ZNF277: variants seen among roughly 807,000 people sequenced by gnomAD.
The protein encoded by ZNF277 is zinc finger protein 277.
A neutral mutation model predicts 60.7 loss-of-function variants in ZNF277; 55 were observed. The observed-to-expected ratio is 0.91, with a 90% CI of 0.73 to 1.13. The LOEUF (loss-of-function observed/expected upper bound fraction) is 1.13, where lower values mean the gene tolerates loss of function less well. Among genes scored for constraint, ZNF277 ranks in the 50% most tolerant of loss-of-function variants. The pLI, the probability that ZNF277 is intolerant of heterozygous loss-of-function variation, is 0.00. For synonymous variants in ZNF277, 178 were observed against 179.3 expected (o/e 0.99, Z 0.06); for missense variants, 510 against 523.0 (o/e 0.98, Z 0.24).
At chr7:112,336,809 T>C (rs933506976) in intron 8 of ZNF277, among the ~76,000 whole-genome samples, 2 of 152,214 alleles carry the variant, frequency 1.3e-5, no homozygotes, top group Non-Finnish European at 2.9e-5. Flanking sequence ...TCTTCCAGAC[T>C]GAAATAAAAA....
chr7:112,292,797 C>T (rs1792238273), intron 2 of ZNF277, among the ~76,000 whole-genome samples: 2 of 152,108 alleles, frequency 1.3e-5, no homozygotes, highest in South Asian at 4.1e-4. Context: ...TCTCTTCTAC[C>T]ACTTTAGCCA....
rs774745772 is a variant in ZNF277 at position 112,318,168 on chromosome 7, T to C, written c.466-14T>C. The C allele has an allele frequency of 1.9e-6, 3 of 1,604,860 alleles. No individual in the cohort carries two copies. The East Asian group carries it at 6.7e-5, about 36-fold the overall frequency. On this transcript the variant is annotated splice_polypyrimidine_tract_variant and intron_variant, in intron 4 of 11. Coordinates refer to ENST00000361822, the MANE Select transcript of ZNF277 (RefSeq NM_021994.3). ...GCATTAAGATAATACCATAAATCTG[T>C]TTCTACTTTCCAGAGAGAAATTCTG...
At chr7:112,322,199 T>C (rs1007833870) in intron 5 of ZNF277, among the ~76,000 whole-genome samples, 1 of 152,164 alleles carries the variant, frequency 6.6e-6, no homozygotes, top group Admixed American at 6.5e-5. Flanking sequence ...TTAATGTGTT[T>C]CATCAAATTC....
At chr7:112,301,400 T>C (rs1792467882) in intron 4 of ZNF277, among the ~76,000 whole-genome samples, 2 of 152,198 alleles carry the variant, frequency 1.3e-5, no homozygotes, top group African/African-American at 4.8e-5. Flanking sequence ...TTTCCCTAAA[T>C]TGCCCAGCAT....
chr7:112,254,851 G>T (rs1436012707), intron 1 of ZNF277, among the ~76,000 whole-genome samples: 6 of 152,138 alleles, frequency 3.9e-5, no homozygotes, highest in African/African-American at 1.2e-4. Context: ...TGGGCTTGTA[G>T]TCCCAGCTAC....
chr7:112,253,561 A>G (rs1436408839), intron 1 of ZNF277, among the ~76,000 whole-genome samples: 1 of 151,874 alleles, frequency 6.6e-6, no homozygotes, highest in Admixed American at 6.6e-5. Context: ...CCTGAACTAT[A>G]TTTTTTTACC....
At chr7:112,226,773 T>C (rs1822186713) in intron 1 of ZNF277, among the ~76,000 whole-genome samples, 1 of 152,218 alleles carries the variant, frequency 6.6e-6, no homozygotes, top group Non-Finnish European at 1.5e-5. Context: ...AATGTCAGTT[T>C]CTGAATTACT....
At chr7:112,335,752 A>G (rs1056100486) in intron 7 of ZNF277, among the ~76,000 whole-genome samples, 1 of 152,184 alleles carries the variant, frequency 6.6e-6, no homozygotes, top group African/African-American at 2.4e-5. Flanking sequence ...GTAACAATGA[A>G]CAAAGGCCAT....
At chr7:112,291,432 T>C (rs1332105461) in intron 2 of ZNF277, among the ~76,000 whole-genome samples, 1 of 152,212 alleles carries the variant, frequency 6.6e-6, no homozygotes, top group Non-Finnish European at 1.5e-5. Context: ...TAATTACTTT[T>C]ATAGATTTTT....
intron 1 of ZNF277, 42 bp downstream of exon 1, chr7:112,206,849 TTCTC>T: frequency 6.3e-7 from 1 of 1,593,136 alleles, no homozygotes; most frequent in South Asian, 1.1e-5. Flanking sequence ...GTGTCTTCCT[TTCTC>T]TATGACCGGG....
intron 1 of ZNF277, among the ~76,000 whole-genome samples, chr7:112,233,620 C>G (rs1400301901): frequency 6.6e-6 from 1 of 152,102 alleles, no homozygotes; most frequent in Admixed American, 6.5e-5. Context: ...TGGCAGTGCT[C>G]TTTTTTCAAA....
intron 4 of ZNF277, among the ~76,000 whole-genome samples, chr7:112,297,074 C>T (rs1418999793): frequency 6.7e-6 from 1 of 150,370 alleles, no homozygotes; most frequent in Non-Finnish European, 1.5e-5. Context: ...ACTACAGGCA[C>T]CTGCCACCAC....
chr7:112,325,839 C>A (rs1285552691), intron 5 of ZNF277, among the ~76,000 whole-genome samples: 4 of 152,184 alleles, frequency 2.6e-5, no homozygotes, highest in African/African-American at 7.2e-5. Context: ...GTTCTAAGGA[C>A]TGTCAGTCTG....
rs550535575 is a variant in ZNF277, at chr7:112,282,711, A to G, written c.92-4162A>G. Among the ~76,000 whole-genome samples the G allele has an allele frequency of 7.2e-5, 11 of 152,330 alleles. No individual in the cohort carries two copies. The South Asian group carries it at 2.1e-3, about 29-fold the overall frequency. ...CTTCCTCTTTCCAGTCCATTCTCATATCAGTTTAGAACATAAGTGGCTTTA... is the reference window on the plus strand; with the variant it reads ...CTTCCTCTTTCCAGTCCATTCTCATGTCAGTTTAGAACATAAGTGGCTTTA... On this transcript the variant is annotated intron_variant, in intron 1 of 11. Coordinates refer to ENST00000361822, the MANE Select transcript of ZNF277 (RefSeq NM_021994.3).
At chr7:112,276,796 A>T (rs1434702658) in intron 1 of ZNF277, among the ~76,000 whole-genome samples, 1 of 152,184 alleles carries the variant, frequency 6.6e-6, no homozygotes, top group Non-Finnish European at 1.5e-5. Context: ...ATTAAGAATT[A>T]CATTTACCAA....
intron 1 of ZNF277, among the ~76,000 whole-genome samples, chr7:112,255,136 A>G (rs1388489022): frequency 6.6e-6 from 1 of 152,122 alleles, no homozygotes; most frequent in African/African-American, 2.4e-5. Flanking sequence ...ACAAATATTC[A>G]CCTTTTTGAA....
chr7:112,231,247 A>ATG (rs1287900575), intron 1 of ZNF277, among the ~76,000 whole-genome samples: 1 of 151,488 alleles, frequency 6.6e-6, no homozygotes, highest in African/African-American at 2.4e-5. Flanking sequence ...TTTGTGTATG[A>ATG]TGTGTGTGTG....
At chr7:112,333,530 A>T (rs568605788) in intron 7 of ZNF277, among the ~76,000 whole-genome samples, 75 of 152,282 alleles carry the variant, frequency 4.9e-4, no homozygotes, top group African/African-American at 1.7e-3. Context: ...CCTCACCTCC[A>T]CTTCAAACGC....
chr7:112,236,205 A>G (rs1332044475), intron 1 of ZNF277, among the ~76,000 whole-genome samples: 3 of 152,100 alleles, frequency 2.0e-5, no homozygotes, highest in African/African-American at 7.2e-5. Context: ...TTTTCAAGAT[A>G]TCTTTGACAT....
Sources: allele counts gnomAD v4.1 joint callset (sites outside exome capture counted in the v4.1 genomes callset), GRCh38; gene constraint gnomAD v4.1.1; transcripts MANE v1.5; gene names NCBI Gene and HGNC (gene_info 2026-07-23, HGNC 2026-07-21).